The following RAD51B variants were observed in gnomAD, a reference collection of about 807,000 sequenced individuals.
RAD51B encodes DNA repair protein RAD51 homolog 2.
Under a neutral mutation model 42.2 loss-of-function variants are expected in RAD51B, and 38 were observed. The observed-to-expected ratio is 0.90, with a 90% CI of 0.70 to 1.18. The LOEUF (loss-of-function observed/expected upper bound fraction) is 1.18, where lower values mean the gene tolerates loss of function less well. Ranked by LOEUF, RAD51B falls within the 50% of genes most tolerant of loss-of-function variation. RAD51B has a pLI of 0.00. For missense variants in RAD51B, 373 were observed against 400.7 expected (o/e 0.93, Z 0.59); for synonymous variants, 154 against 145.2 (o/e 1.06, Z -0.43).
At chr14:68,009,152 C>A (rs1056526985) in intron 7 of RAD51B, among the ~76,000 whole-genome samples, 1 of 151,888 alleles carries the variant, frequency 6.6e-6, no homozygotes, top group African/African-American at 2.4e-5. Context: ...AAATCAGAGT[C>A]AATTCAATCT....
intron 8 of RAD51B, among the ~76,000 whole-genome samples, chr14:68,328,272 C>T (rs2082284906): frequency 6.6e-6 from 1 of 152,174 alleles, no homozygotes; most frequent in Non-Finnish European, 1.5e-5. Context: ...CCTGAAATTA[C>T]ACAGAAAGTA....
intron 10 of RAD51B, among the ~76,000 whole-genome samples, chr14:68,532,406 T>A (rs1375030236): frequency 1.3e-5 from 2 of 152,104 alleles, no homozygotes; most frequent in African/African-American, 4.8e-5. Context: ...TAATTTATAA[T>A]GATAGATACA....
chr14:68,242,251 A>G (rs189385592), intron 7 of RAD51B, among the ~76,000 whole-genome samples: 1 of 152,274 alleles, frequency 6.6e-6, no homozygotes, highest in East Asian at 1.9e-4. Context: ...TTCTTTTCTC[A>G]TCACACTTCA....
intron 7 of RAD51B, among the ~76,000 whole-genome samples, chr14:68,239,402 A>C (rs2080335444): frequency 1.3e-5 from 2 of 152,290 alleles, no homozygotes; most frequent in South Asian, 4.1e-4. Flanking sequence ...CCTGACATGG[A>C]GGTCACAACT....
At chr14:68,142,685 T>C (rs983698570) in intron 7 of RAD51B, among the ~76,000 whole-genome samples, 1 of 152,272 alleles carries the variant, frequency 6.6e-6, no homozygotes, top group Non-Finnish European at 1.5e-5. Context: ...GATAATTATA[T>C]GTAATAAGTA....
In RAD51B at chr14:67,912,791, T is replaced by C. The variant is rs543221872; in HGVS notation, c.756+25587T>C. Among the ~76,000 whole-genome samples, 22 of 151,842 alleles carry C rather than the reference T, an allele frequency of 1.4e-4. No individual in the cohort carries two copies. In the South Asian group the frequency reaches 4.2e-3, roughly 29 times the overall value. On this transcript the variant is annotated intron_variant, in intron 7 of 10. Coordinates refer to ENST00000471583, the MANE Select transcript of RAD51B (RefSeq NM_133510.4). ...CGCGATCTCGGCTCACTGCAACCTC[T>C]GTCTCCCAGGTTCAAGTGATTCTCC...
intron 10 of RAD51B, among the ~76,000 whole-genome samples, chr14:68,477,161 T>C (rs1882698649): frequency 6.6e-6 from 1 of 152,226 alleles, no homozygotes. Context: ...GCCGCGTCCC[T>C]ATGCGAGGCC....
chr14:68,402,326 G>T (rs2084129477), intron 8 of RAD51B, among the ~76,000 whole-genome samples: 1 of 152,212 alleles, frequency 6.6e-6, no homozygotes, highest in African/African-American at 2.4e-5. Context: ...CCTGCCAAGA[G>T]AGGTAACCAA....
At chr14:67,868,278 G>A (rs1307358061) in intron 5 of RAD51B, among the ~76,000 whole-genome samples, 7 of 152,264 alleles carry the variant, frequency 4.6e-5, no homozygotes, top group Non-Finnish European at 7.4e-5. Context: ...CTCGGGAAGC[G>A]CAAGGGGTCA....
At chr14:68,636,352 G>C (rs973080974) in intron 10 of RAD51B, among the ~76,000 whole-genome samples, 2 of 152,132 alleles carry the variant, frequency 1.3e-5, no homozygotes, top group Non-Finnish European at 2.9e-5. Context: ...GGAGGCTGAG[G>C]TGGGTGGATC....
intron 8 of RAD51B, among the ~76,000 whole-genome samples, chr14:68,295,276 C>G (rs1396012110): frequency 6.6e-6 from 1 of 152,074 alleles, no homozygotes; most frequent in African/African-American, 2.4e-5. Context: ...GGGAATTATA[C>G]CATGATGTCA....
At chr14:68,443,275 C>T (rs1399244118) in intron 9 of RAD51B, among the ~76,000 whole-genome samples, 1 of 152,142 alleles carries the variant, frequency 6.6e-6, no homozygotes, top group East Asian at 1.9e-4. Context: ...AGAACTTAGC[C>T]TGTGGCTTCC....
chr14:68,411,393 C>G lies in RAD51B; in HGVS notation c.854-31C>G, dbSNP rs756570667. 7 of 1,586,700 alleles carry G rather than the reference C, an allele frequency of 4.4e-6. No individual in the cohort carries two copies. In the African/African-American group the frequency reaches 9.4e-5, roughly 21 times the overall value. On this transcript the variant is annotated intron_variant, in intron 8 of 10. Transcript: ENST00000471583. ...GAAATGCCATCTCAAGAAAGGGCAT[C>G]TGAAAGCGTGCTTTTACCATTTCAT...
intron 11 of RAD51B, among the ~76,000 whole-genome samples, chr14:68,677,601 G>C (rs186418734): frequency 9.8e-5 from 15 of 152,290 alleles, no homozygotes; most frequent in African/African-American, 3.6e-4. Context: ...GTGAAACCTT[G>C]TGTCCTTTAT....
At chr14:68,366,135 A>T (rs2083138348) in intron 8 of RAD51B, among the ~76,000 whole-genome samples, 1 of 152,234 alleles carries the variant, frequency 6.6e-6, no homozygotes, top group Admixed American at 6.5e-5. Context: ...TTAATTTTTC[A>T]CAAATCCTGA....
intron 7 of RAD51B, among the ~76,000 whole-genome samples, chr14:68,281,296 C>G (rs2139624869): frequency 1.3e-5 from 2 of 152,100 alleles, no homozygotes; most frequent in Admixed American, 1.3e-4. Context: ...CCTTGGTTTT[C>G]CTATTGGAAT....
intron 7 of RAD51B, among the ~76,000 whole-genome samples, chr14:68,189,242 G>A (rs2079215723): frequency 6.6e-6 from 1 of 152,070 alleles, no homozygotes; most frequent in South Asian, 2.1e-4. Flanking sequence ...AGCCTTCAGA[G>A]GGTAGGAACA....
At chr14:68,360,971 T>G (rs1289535503) in intron 8 of RAD51B, among the ~76,000 whole-genome samples, 2 of 152,062 alleles carry the variant, frequency 1.3e-5, no homozygotes, top group Non-Finnish European at 2.9e-5. Context: ...AGGTAGGGGG[T>G]AGGACCCCTC....
chr14:67,868,297 C>T (rs2042394036), intron 5 of RAD51B, among the ~76,000 whole-genome samples: 1 of 152,130 alleles, frequency 6.6e-6, no homozygotes, highest in Non-Finnish European at 1.5e-5. Flanking sequence ...CAGGGAGTTC[C>T]CTTTCCGAGT....
Sources: gnomAD v4.1 joint callset for allele counts (sites outside exome capture counted in the v4.1 genomes callset) on GRCh38, gnomAD v4.1.1 for gene constraint, MANE v1.5 for transcripts, NCBI Gene and HGNC (gene_info 2026-07-23, HGNC 2026-07-21) for gene names.